The following DIAPH2 variants were observed in gnomAD, a reference collection of about 807,000 sequenced individuals.
DIAPH2 encodes diaphanous related formin 2.
A neutral mutation model predicts 92.7 loss-of-function variants in DIAPH2; 35 were observed. That is an observed-to-expected ratio of 0.38 (90% CI 0.29 to 0.50). DIAPH2 has a LOEUF of 0.50. DIAPH2 is among the 20% of genes least tolerant of loss of function. The pLI, the probability that DIAPH2 is intolerant of heterozygous loss-of-function variation, is 0.94. For missense variants in DIAPH2, 701 were observed against 819.5 expected, an observed-to-expected ratio of 0.86 and a Z score of 1.77; for synonymous variants, 301 against 280.4, an observed-to-expected ratio of 1.07 and a Z score of -0.73.
intron 19 of DIAPH2, among the ~76,000 whole-genome samples, chrX:97,099,424 A>G (rs1234199316): frequency 1.8e-5 from 2 of 111,787 alleles, no homozygotes; most frequent in Admixed American, 9.5e-5. Context: ...CGGTTTTGGA[A>G]TACGATTTAT....
chrX:97,193,047 CTG>C (rs1306886161), intron 22 of DIAPH2, among the ~76,000 whole-genome samples: 1 of 91,360 alleles, frequency 1.1e-5, no homozygotes, highest in Non-Finnish European at 2.1e-5. Context: ...GGGTCTCTCT[CTG>C]TCGCCCAGGC....
chrX:97,561,020 G>C (rs1602669465), intron 26 of DIAPH2, among the ~76,000 whole-genome samples: 1 of 111,883 alleles, frequency 8.9e-6, no homozygotes, highest in South Asian at 3.8e-4. Context: ...TGAAGCATCT[G>C]GGGGGAAGGG....
At chrX:97,104,543 T>A (rs1358694608) in intron 20 of DIAPH2, among the ~76,000 whole-genome samples, 3 of 110,074 alleles carry the variant, frequency 2.7e-5, no homozygotes, top group African/African-American at 9.9e-5. Context: ...GCCCGGCTAA[T>A]TTTTTTAAAA....
chrX:96,944,245 C>G (rs759677802), intron 13 of DIAPH2, among the ~76,000 whole-genome samples: 7 of 111,706 alleles, frequency 6.3e-5, no homozygotes, highest in Admixed American at 2.9e-4. Context: ...AATTTAAATT[C>G]TAAATCATTA....
chrX:97,469,588 T>A (rs987717171), intron 26 of DIAPH2: 3 of 704,390 alleles, frequency 4.3e-6, no homozygotes, highest in Non-Finnish European at 6.2e-6. Flanking sequence ...ATCAGTATTA[T>A]AAATGAGCTG....
chrX:96,955,185 C>T (rs1289249385), intron 15 of DIAPH2, among the ~76,000 whole-genome samples: 1 of 111,555 alleles, frequency 9.0e-6, no homozygotes, highest in Non-Finnish European at 1.9e-5. Flanking sequence ...AACTTACAAT[C>T]ATGGTGGAAG....
At chrX:96,894,429 A>G (rs2065329138) in intron 5 of DIAPH2, among the ~76,000 whole-genome samples, 1 of 111,840 alleles carries the variant, frequency 8.9e-6, no homozygotes, top group South Asian at 3.7e-4. Context: ...AAATTTCCAT[A>G]TGTGAATTAA....
intron 4 of DIAPH2, among the ~76,000 whole-genome samples, chrX:96,808,313 G>T (rs1054606745): frequency 9.0e-6 from 1 of 110,963 alleles, no homozygotes; most frequent in African/African-American, 3.3e-5. Flanking sequence ...TGTACAAAAT[G>T]CTTCAAATGC....
chrX:97,472,360 C>G (rs1167858573), intron 26 of DIAPH2, among the ~76,000 whole-genome samples: 3 of 112,209 alleles, frequency 2.7e-5, no homozygotes, highest in Non-Finnish European at 5.6e-5. Context: ...TTGTTAGGAC[C>G]AATGACATAA....
chrX:97,249,842 T>C (rs1165148364), intron 23 of DIAPH2, among the ~76,000 whole-genome samples: 2 of 111,997 alleles, frequency 1.8e-5, no homozygotes, highest in South Asian at 3.8e-4. Flanking sequence ...GACTCACGCC[T>C]GTAATCCCAG....
intron 1 of DIAPH2, among the ~76,000 whole-genome samples, chrX:96,698,845 A>G (rs1044990679): frequency 9.3e-6 from 1 of 107,713 alleles, no homozygotes; most frequent in Admixed American, 1.0e-4. Context: ...CTCCTCCCTT[A>G]GCATCCCAAG....
chrX:97,572,864 T>A (rs1399432668), intron 26 of DIAPH2, among the ~76,000 whole-genome samples: 3 of 111,514 alleles, frequency 2.7e-5, no homozygotes, highest in African/African-American at 9.8e-5. Flanking sequence ...AAGAGTAAAA[T>A]TGTTAAGGTA....
intron 22 of DIAPH2, among the ~76,000 whole-genome samples, chrX:97,151,001 C>T (rs984476193): frequency 8.9e-6 from 1 of 112,156 alleles, no homozygotes; most frequent in African/African-American, 3.2e-5. Flanking sequence ...ACTTCTTACA[C>T]ATTAAACAAG....
At chrX:97,135,819 G>A (rs980559719) in intron 21 of DIAPH2, among the ~76,000 whole-genome samples, 16 of 111,542 alleles carry the variant, frequency 1.4e-4, no homozygotes, top group Non-Finnish European at 2.3e-4. Context: ...CTGAGTTATA[G>A]GCACATGATA....
chrX:96,713,431 C>T (rs2063931012), intron 1 of DIAPH2, among the ~76,000 whole-genome samples: 2 of 111,165 alleles, frequency 1.8e-5, no homozygotes, highest in African/African-American at 6.5e-5. Context: ...CCACAGGTTA[C>T]CTGCTATTGA....
chrX:97,255,445 C>T (rs1267854842), intron 23 of DIAPH2, among the ~76,000 whole-genome samples: 1 of 111,623 alleles, frequency 9.0e-6, no homozygotes, highest in Non-Finnish European at 1.9e-5. Flanking sequence ...TGTTCATGTA[C>T]ATGTACATAT....
At chrX:97,232,169 T>C (rs192991149) in intron 22 of DIAPH2, among the ~76,000 whole-genome samples, 1 of 111,127 alleles carries the variant, frequency 9.0e-6, no homozygotes, top group East Asian at 2.8e-4. Flanking sequence ...CATCCTCACA[T>C]AGCCCTTGCC....
intron 4 of DIAPH2, among the ~76,000 whole-genome samples, chrX:96,796,827 A>G (rs889106474): frequency 9.0e-6 from 1 of 111,707 alleles, no homozygotes; most frequent in African/African-American, 3.2e-5. Context: ...TGTTTTGGGG[A>G]AAAATAGACT....
intron 26 of DIAPH2, among the ~76,000 whole-genome samples, chrX:97,572,972 G>A (rs2071378878): frequency 8.9e-6 from 1 of 111,983 alleles, no homozygotes; most frequent in South Asian, 3.7e-4. Flanking sequence ...CTACTTTTAA[G>A]CTTCTAACAT....
Sources: allele counts gnomAD v4.1 joint callset (sites outside exome capture counted in the v4.1 genomes callset), GRCh38; gene constraint gnomAD v4.1.1; transcripts MANE v1.5; gene names NCBI Gene and HGNC (gene_info 2026-07-23, HGNC 2026-07-21).